Variants in NEBL observed in about 807,000 individuals in gnomAD.
NEBL encodes nebulette.
NEBL carries 122 observed loss-of-function variants against 140.2 expected under a neutral mutation model. The ratio of observed to expected loss-of-function variants is 0.87; its 90% CI spans 0.75 to 1.01. NEBL has a LOEUF of 1.01. Among genes scored for constraint, NEBL ranks in the 50% least tolerant of loss-of-function variants. The probability of loss-of-function intolerance (pLI) is 0.00; values close to 1 mark genes in which losing one functional copy is unlikely to be tolerated. For missense variants in NEBL, 1,365 were observed against 1,231.3 expected (o/e 1.11, Z -1.62); for synonymous variants, 436 against 398.9 (o/e 1.09, Z -1.11).
At chr10:20,884,506 A>G (rs536760568) in intron 4 of NEBL, among the ~76,000 whole-genome samples, 1 of 152,356 alleles carries the variant, frequency 6.6e-6, no homozygotes, top group East Asian at 1.9e-4. Context: ...AATTAAAATA[A>G]TGGCTTTGCC....
At chr10:20,894,915 C>T (rs1170972575) in intron 2 of NEBL, among the ~76,000 whole-genome samples, 5 of 128,132 alleles carry the variant, frequency 3.9e-5, no homozygotes, top group African/African-American at 9.3e-5. Context: ...GGTGATAGAG[C>T]GAGACTCTGT....
intron 2 of NEBL, among the ~76,000 whole-genome samples, chr10:21,024,155 A>T (rs1838926433): frequency 6.6e-6 from 1 of 152,038 alleles, no homozygotes; most frequent in Non-Finnish European, 1.5e-5. Flanking sequence ...ACTTACTAGC[A>T]TACTATGCAA....
intron 2 of NEBL, among the ~76,000 whole-genome samples, chr10:21,069,577 C>A (rs1334736731): frequency 6.6e-6 from 1 of 152,214 alleles, no homozygotes; most frequent in Non-Finnish European, 1.5e-5. Flanking sequence ...CCAGGGCATC[C>A]TGAATCTCTT....
intron 4 of NEBL, among the ~76,000 whole-genome samples, chr10:20,937,888 G>C (rs1363199553): frequency 3.9e-5 from 6 of 152,222 alleles, no homozygotes; most frequent in Non-Finnish European, 7.3e-5. Flanking sequence ...AGCAAGGGTG[G>C]AGGAGGGGCG....
chr10:20,946,088 T>C (rs1201159593), intron 4 of NEBL, among the ~76,000 whole-genome samples: 1 of 152,126 alleles, frequency 6.6e-6, no homozygotes, highest in Non-Finnish European at 1.5e-5. Flanking sequence ...GGTATGTGGG[T>C]GTCATCTATG....
chr10:21,050,780 G>A (rs570681844), intron 2 of NEBL, among the ~76,000 whole-genome samples: 17 of 152,306 alleles, frequency 1.1e-4, no homozygotes, highest in African/African-American at 4.1e-4. Flanking sequence ...CTAGGTTCTA[G>A]AGTGATGTGG....
intron 23 of NEBL, 37 bp from the exon 24 acceptor site, chr10:20,812,977 A>T: frequency 1.9e-6 from 3 of 1,555,366 alleles, no homozygotes; most frequent in Non-Finnish European, 1.8e-6. Flanking sequence ...AATTTTGCGG[A>T]TAGTTACCTC....
chr10:21,239,887 T>A (rs528102426), intron 3 of NEBL, among the ~76,000 whole-genome samples: 3 of 151,712 alleles, frequency 2.0e-5, no homozygotes, highest in African/African-American at 7.3e-5. Context: ...ATCGTGGCGG[T>A]CACCTGTAGT....
chr10:21,171,228 G>A (rs7084365), intron 2 of NEBL, among the ~76,000 whole-genome samples: 55,234 of 151,532 alleles, frequency 0.36, 14,063 homozygotes, highest in East Asian at 0.73. Flanking sequence ...CCAACTACTC[G>A]GGAGGCTGAG....
At chr10:20,958,959 G>A (rs1455512947) in intron 4 of NEBL, among the ~76,000 whole-genome samples, 1 of 152,120 alleles carries the variant, frequency 6.6e-6, no homozygotes, top group Non-Finnish European at 1.5e-5. Context: ...AAACAAACAT[G>A]AGAAGAGCTG....
intron 4 of NEBL, among the ~76,000 whole-genome samples, chr10:20,905,506 ACT>A (rs1290067215): frequency 1.3e-5 from 2 of 152,090 alleles, no homozygotes; most frequent in Non-Finnish European, 2.9e-5. Context: ...GAACTCACTC[ACT>A]GTCACAACAG....
chr10:20,894,602 T>A (rs952780074), intron 2 of NEBL, among the ~76,000 whole-genome samples: 3 of 151,938 alleles, frequency 2.0e-5, no homozygotes, highest in African/African-American at 7.2e-5. Context: ...AAAATGTGAA[T>A]GTGTATACAG....
chr10:21,245,140 G>A (rs1483364476), intron 3 of NEBL, among the ~76,000 whole-genome samples: 7 of 152,074 alleles, frequency 4.6e-5, no homozygotes. Context: ...CTCCAGCCTG[G>A]GCAACGGAGC....
At chr10:20,840,538 G>A (rs1841316119) in intron 13 of NEBL, among the ~76,000 whole-genome samples, 1 of 151,878 alleles carries the variant, frequency 6.6e-6, no homozygotes, top group Non-Finnish European at 1.5e-5. Context: ...TCCAAAGTGG[G>A]GAAACGGCCA....
At chr10:21,104,847 G>C (rs58509168) in intron 2 of NEBL, among the ~76,000 whole-genome samples, 1 of 152,150 alleles carries the variant, frequency 6.6e-6, no homozygotes, top group Non-Finnish European at 1.5e-5. Flanking sequence ...CAAGTAAGAC[G>C]TTAGCTTTAC....
At chr10:20,957,796 A>T (rs1170637191) in intron 4 of NEBL, among the ~76,000 whole-genome samples, 3 of 152,162 alleles carry the variant, frequency 2.0e-5, no homozygotes, top group Non-Finnish European at 4.4e-5. Context: ...TTTCCCCTTC[A>T]TTTGATATTT....
intron 4 of NEBL, among the ~76,000 whole-genome samples, chr10:20,925,215 T>A (rs1268334312): frequency 6.6e-6 from 1 of 152,224 alleles, no homozygotes; most frequent in Non-Finnish European, 1.5e-5. Flanking sequence ...TGTATCATCT[T>A]TCAAATTATA....
intron 3 of NEBL, among the ~76,000 whole-genome samples, chr10:20,974,725 T>C (rs1836720585): frequency 6.6e-6 from 1 of 152,154 alleles, no homozygotes; most frequent in African/African-American, 2.4e-5. Context: ...GTCCATCAAA[T>C]GAGTAAATAA....
chr10:21,019,672 T>C (rs1015531210), intron 3 of NEBL, among the ~76,000 whole-genome samples: 1 of 152,184 alleles, frequency 6.6e-6, no homozygotes, highest in Non-Finnish European at 1.5e-5. Flanking sequence ...GAAAGAAATA[T>C]GAACAAAGTG....
Sources: allele counts gnomAD v4.1 joint callset (sites outside exome capture counted in the v4.1 genomes callset), GRCh38; gene constraint gnomAD v4.1.1; transcripts MANE v1.5; gene names NCBI Gene and HGNC (gene_info 2026-07-23, HGNC 2026-07-21).